The following ASB3 variants were observed in gnomAD, a reference collection of about 807,000 sequenced individuals.
ASB3 encodes the protein ankyrin repeat and SOCS box containing 3.
In ASB3, 41 loss-of-function variants were observed where a neutral mutation model predicts 54.5. The ratio of observed to expected loss-of-function variants is 0.75; its 90% CI spans 0.59 to 0.98. The LOEUF (loss-of-function observed/expected upper bound fraction) is 0.98. Among genes scored for constraint, ASB3 ranks in the 50% least tolerant of loss-of-function variants. The pLI, the probability that ASB3 is intolerant of heterozygous loss-of-function variation, is 0.00. For missense variants in ASB3, 733 were observed against 620.0 expected, an observed-to-expected ratio of 1.18 and a Z score of -1.94; for synonymous variants, 266 against 221.2, an observed-to-expected ratio of 1.20 and a Z score of -1.80.
intron 8 of ASB3, among the ~76,000 whole-genome samples, chr2:53,696,351 T>C (rs1405257463): frequency 1.3e-5 from 2 of 152,140 alleles, no homozygotes; most frequent in African/African-American, 2.4e-5. Context: ...CAATGGCTTA[T>C]TGCGACAAAA....
chr2:53,752,406 C>T (rs534799913), intron 2 of ASB3, among the ~76,000 whole-genome samples: 19 of 152,266 alleles, frequency 1.2e-4, no homozygotes, highest in Admixed American at 1.0e-3. Context: ...CAGGTTCCCA[C>T]CCCACAGATT....
At chr2:53,671,662 G>C (rs1022564795) in intron 9 of ASB3, among the ~76,000 whole-genome samples, 4 of 151,724 alleles carry the variant, frequency 2.6e-5, no homozygotes, top group African/African-American at 9.7e-5. Flanking sequence ...GGGAGGCTGA[G>C]GCAAAATAAT....
intron 2 of ASB3, among the ~76,000 whole-genome samples, chr2:53,759,510 C>T (rs900213566): frequency 2.0e-5 from 3 of 152,150 alleles, no homozygotes; most frequent in African/African-American, 7.2e-5. Context: ...CTTAGAAACC[C>T]TACTGAACTT....
intron 9 of ASB3, among the ~76,000 whole-genome samples, chr2:53,685,428 C>T (rs1348629910): frequency 6.6e-6 from 1 of 152,170 alleles, no homozygotes; most frequent in African/African-American, 2.4e-5. Flanking sequence ...CGCAGGATCA[C>T]CAAACTAAGG....
chr2:53,765,973 G>C (rs955482449), intron 1 of ASB3, among the ~76,000 whole-genome samples: 1 of 151,880 alleles, frequency 6.6e-6, no homozygotes, highest in Non-Finnish European at 1.5e-5. Flanking sequence ...TTAATCCCCA[G>C]TGTACACTAC....
In ASB3 at chr2:53,697,335, T is replaced by C. The variant is rs535193148; in HGVS notation, c.1238+2936A>G. Among the ~76,000 whole-genome samples the C allele has an allele frequency of 8.3e-4, 126 of 152,338 alleles. 1 individual carries two copies. Among genetic ancestry groups the C allele is most frequent in the African/African-American group, 3.0e-3 (126 of 41,592 alleles). On this transcript the variant is annotated intron_variant, in intron 8 of 9. Coordinates refer to ENST00000263634, the MANE Select transcript of ASB3 (RefSeq NM_016115.5). The stretch of plus-strand genomic sequence containing the variant: ...AATTCACCCCTTGTTTAGCATGTAA[T>C]CAAGAAGTAACAATAAGTATAAGCA...
intron 7 of ASB3, among the ~76,000 whole-genome samples, chr2:53,704,784 T>C (rs1335213647): frequency 6.6e-6 from 1 of 152,196 alleles, no homozygotes; most frequent in Admixed American, 6.5e-5. Flanking sequence ...CCTTTACCTA[T>C]TAGGTAACTG....
At chr2:53,759,366 G>C (rs777854879) in intron 2 of ASB3, among the ~76,000 whole-genome samples, 3 of 152,160 alleles carry the variant, frequency 2.0e-5, no homozygotes, top group Non-Finnish European at 4.4e-5. Context: ...ACTAAGGGAG[G>C]CTTTGAGAAA....
chr2:53,783,774 G>A (rs973527498), intron 1 of ASB3, among the ~76,000 whole-genome samples: 2 of 152,160 alleles, frequency 1.3e-5, no homozygotes, highest in Non-Finnish European at 2.9e-5. Flanking sequence ...CAAGGTAAAG[G>A]CATTTTCAGA....
chr2:53,716,506 T>G, intron 6 of ASB3, 60 bp downstream of exon 6: 1 of 1,570,788 alleles, frequency 6.4e-7, no homozygotes, highest in East Asian at 2.2e-5. Context: ...CTAGCCCAGA[T>G]TTATTCTTTA....
At chr2:53,769,855 C>G (rs138984789) in intron 1 of ASB3, among the ~76,000 whole-genome samples, 60 of 152,060 alleles carry the variant, frequency 3.9e-4, no homozygotes, top group Non-Finnish European at 7.9e-4. Context: ...AAAAAAAGAG[C>G]TAAAAAAAGG....
intron 9 of ASB3, among the ~76,000 whole-genome samples, chr2:53,675,882 G>T (rs1668057567): frequency 6.6e-6 from 1 of 152,202 alleles, no homozygotes; most frequent in Middle Eastern, 3.4e-3. Context: ...TTCTTTCATT[G>T]CTTGGCTTTA....
In ASB3 at chr2:53,765,615, T is replaced by C. The variant is rs147860649; in HGVS notation, c.-13-30A>G. The C allele has an allele frequency of 1.7e-5, 28 of 1,613,006 alleles. No individual in the cohort carries two copies. In the East Asian group the frequency reaches 4.2e-4, roughly 24 times the overall value. ...AAAACAAGGTAGAAGGATAATACTA[T>C]AGTCAATAAAACAACACTTCACTCC... On this transcript the variant is annotated intron_variant, in intron 1 of 9. Transcript: ENST00000263634.
chr2:53,710,572 T>A (rs1670037936), intron 7 of ASB3, among the ~76,000 whole-genome samples: 1 of 152,270 alleles, frequency 6.6e-6, no homozygotes, highest in Non-Finnish European at 1.5e-5. Context: ...TCCTGGACAT[T>A]GTGAATGTTA....
intron 9 of ASB3, among the ~76,000 whole-genome samples, chr2:53,684,452 C>A (rs3770413): frequency 3.9e-5 from 6 of 152,100 alleles, no homozygotes; most frequent in Non-Finnish European, 8.8e-5. Flanking sequence ...TACCAGAATT[C>A]GATTTAGACG....
chr2:53,775,339 TTGTGTG>T (rs143795525), intron 1 of ASB3: 1 of 151,152 alleles, frequency 6.6e-6, no homozygotes, highest in Non-Finnish European at 1.5e-5. Context: ...CTATCTCAAT[TTGTGTG>T]TGTGTGTGTG....
At chr2:53,759,479 C>T (rs911591885) in intron 2 of ASB3, among the ~76,000 whole-genome samples, 32 of 152,106 alleles carry the variant, frequency 2.1e-4, no homozygotes, top group African/African-American at 7.0e-4. Context: ...TTCAAAAGTC[C>T]GCCTTAGGCC....
chr2:53,736,269 G>A (rs1179713736), intron 3 of ASB3, among the ~76,000 whole-genome samples: 1 of 152,144 alleles, frequency 6.6e-6, no homozygotes, highest in African/African-American at 2.4e-5. Flanking sequence ...TTAGGGAAAT[G>A]CAAATGAAAA....
chr2:53,732,666 AT>A (rs1484442913), intron 3 of ASB3, among the ~76,000 whole-genome samples: 2 of 152,236 alleles, frequency 1.3e-5, no homozygotes, highest in East Asian at 3.8e-4. Context: ...TATCATAAAT[AT>A]ATTAAGAAAT....
Sources: allele counts gnomAD v4.1 joint callset (sites outside exome capture counted in the v4.1 genomes callset), GRCh38; gene constraint gnomAD v4.1.1; transcripts MANE v1.5; gene names NCBI Gene and HGNC (gene_info 2026-07-23, HGNC 2026-07-21).